Variants in CNGB3 observed in about 807,000 individuals in gnomAD.
CNGB3 encodes the protein cyclic nucleotide-gated channel beta-3.
CNGB3 carries 86 observed loss-of-function variants against 92.8 expected under a neutral mutation model. The observed-to-expected ratio is 0.93, with a 90% CI of 0.78 to 1.11. The LOEUF (loss-of-function observed/expected upper bound fraction) is 1.11, where lower values mean the gene tolerates loss of function less well. Among genes scored for constraint, CNGB3 ranks in the 50% least tolerant of loss-of-function variants. The probability of loss-of-function intolerance (pLI) is 0.00; values close to 1 mark genes in which losing one functional copy is unlikely to be tolerated. For missense variants in CNGB3, 1,026 were observed against 956.8 expected (o/e 1.07, Z -0.95); for synonymous variants, 333 against 332.7 (o/e 1.00, Z -0.01).
intron 15 of CNGB3, among the ~76,000 whole-genome samples, chr8:86,593,303 T>C (rs114350925): frequency 1.9e-3 from 283 of 152,338 alleles, no homozygotes; most frequent in African/African-American, 6.3e-3. Flanking sequence ...TTCCATGCTC[T>C]GTTTATTTAT....
At chr8:86,578,612 T>A in intron 17 of CNGB3, 77 bp downstream of exon 17, 1 of 1,357,084 alleles carries the variant, frequency 7.4e-7, no homozygotes, top group Non-Finnish European at 1.1e-6. Flanking sequence ...GAAATGGAAT[T>A]AGAGTGGGCG....
rs764918540 is a variant in CNGB3 at position 86,671,058 on chromosome 8, A to G, written c.379T>C (p.Tyr127His). The change falls in exon 4 of 18, where the codon TAT becomes CAT. Residue 127 changes from tyrosine to histidine, a missense_variant. Physicochemically the swap from Tyr to His is moderately conservative, Grantham distance 83. Transcript: ENST00000320005. ...KPPAAPVINE[Y>H]ADAQLHNLVK... The stretch of plus-strand genomic sequence containing the variant: ...AGGTTGTGTAGCTGGGCATCGGCAT[A>G]CTCATTTATAACAGGAGCTGCAGGC... 2 of 1,613,854 alleles carry G rather than the reference A, an allele frequency of 1.2e-6. No individual in the cohort carries two copies. The highest frequency in any genetic ancestry group is 8.5e-7 in the Non-Finnish European group (1 of 1,179,980).
Position 86,587,945 on chromosome 8 carries a change from C to T in CNGB3, c.1782-8693G>A, listed in dbSNP as rs527443989. The stretch of plus-strand genomic sequence containing the variant: ...ACCTTGGGCAGTATGGCCATTTTCA[C>T]GATATTGATTCTTCCTACCCATGAG... On this transcript the variant is annotated intron_variant, in intron 15 of 17. Coordinates refer to ENST00000320005, the MANE Select transcript of CNGB3 (RefSeq NM_019098.5). 1.3e-4 allele frequency among the ~76,000 whole-genome samples: 19 copies of T among 151,734 alleles called. No individual in the cohort carries two copies. In the East Asian group the frequency reaches 2.5e-3, roughly 20 times the overall value.
intron 2 of CNGB3, among the ~76,000 whole-genome samples, chr8:86,728,576 C>A (rs904367250): frequency 6.6e-6 from 1 of 152,146 alleles, no homozygotes; most frequent in African/African-American, 2.4e-5. Flanking sequence ...TCCACAAACA[C>A]TTGGACAATT....
Position 86,589,842 on chromosome 8 carries a change from A to C in CNGB3, c.1782-10590T>G, listed in dbSNP as rs555078603. On this transcript the variant is annotated intron_variant, in intron 15 of 17. Coordinates refer to ENST00000320005, the MANE Select transcript of CNGB3 (RefSeq NM_019098.5). Reference sequence around the variant, plus strand: ...TGATTTGGGGTGGAGAGTTCTGTAGATGTCTATTGGGTCTGCTTGGTGCAG... The same window carrying C: ...TGATTTGGGGTGGAGAGTTCTGTAGCTGTCTATTGGGTCTGCTTGGTGCAG... Among the ~76,000 whole-genome samples the C allele has an allele frequency of 1.7e-4, 26 of 152,060 alleles. No homozygotes were observed. The South Asian group carries it at 4.8e-3, about 28-fold the overall frequency.
At chr8:86,611,721 T>G (rs895314547) in intron 13 of CNGB3, 50 bp from the exon 14 acceptor site, 4 of 1,254,166 alleles carry the variant, frequency 3.2e-6, no homozygotes, top group Admixed American at 1.7e-5. Context: ...AGGCCAATAT[T>G]CCAAATGAAT....
intron 7 of CNGB3, among the ~76,000 whole-genome samples, chr8:86,648,224 G>A (rs1355643712): frequency 1.3e-5 from 2 of 150,928 alleles, no homozygotes; most frequent in Non-Finnish European, 3.0e-5. Context: ...TTTAACATGG[G>A]GCTCTTCGAC....
chr8:86,629,107 C>T, intron 11 of CNGB3, 29 bp from the exon 12 acceptor site: 1 of 1,613,290 alleles, frequency 6.2e-7, no homozygotes, highest in Admixed American at 1.7e-5. Flanking sequence ...TCACTCCACG[C>T]CCAGCAGAGG....
intron 11 of CNGB3, among the ~76,000 whole-genome samples, chr8:86,632,007 G>A (rs960832262): frequency 1.3e-5 from 2 of 151,728 alleles, no homozygotes; most frequent in Admixed American, 6.6e-5. Context: ...TCTTACATGG[G>A]CTCCTACATT....
At chr8:86,637,120 G>A (rs1281358064) in intron 10 of CNGB3, among the ~76,000 whole-genome samples, 1 of 152,144 alleles carries the variant, frequency 6.6e-6, no homozygotes, top group African/African-American at 2.4e-5. Flanking sequence ...ATACCTTTGG[G>A]TATATTCACA....
intron 2 of CNGB3, among the ~76,000 whole-genome samples, chr8:86,734,098 TC>T (rs1427825505): frequency 1.3e-5 from 2 of 152,094 alleles, no homozygotes; most frequent in Admixed American, 1.3e-4. Flanking sequence ...TCTCAGGAAA[TC>T]CTCCTGTCTT....
intron 7 of CNGB3, among the ~76,000 whole-genome samples, chr8:86,650,711 G>A (rs1188289665): frequency 6.6e-6 from 1 of 151,576 alleles, no homozygotes; most frequent in African/African-American, 2.4e-5. Context: ...TGCACTGCTG[G>A]TGGGAATGTA....
chr8:86,665,254 A>T (rs1036352591), intron 6 of CNGB3, among the ~76,000 whole-genome samples: 5 of 152,218 alleles, frequency 3.3e-5, no homozygotes, highest in Admixed American at 6.5e-5. Context: ...ATTACTAAAA[A>T]GTCAAAAAAC....
rs754946422 is a variant in CNGB3 at position 86,667,085 on chromosome 8, C to G, written c.692G>C (p.Trp231Ser). The G allele has an allele frequency of 1.1e-5, 17 of 1,613,816 alleles. No homozygotes were observed. The highest frequency in any genetic ancestry group is 1.7e-5 in the Admixed American group (1 of 59,980). Residue 231 changes from tryptophan to serine, a missense_variant, in exon 6 of 18, where the codon TGG becomes TCG. Coordinates refer to ENST00000320005, the MANE Select transcript of CNGB3 (RefSeq NM_019098.5). The part of the protein sequence containing the change: ...WLLLVTLAYN[W>S]NCCFIPLRLV... ...GCGCAGTGGTATAAAACAGCAGTTC[C>G]AGTTATAGGCAAGAGTGACAAGCAA...
chr8:86,590,550 C>A (rs1050900934), intron 15 of CNGB3, among the ~76,000 whole-genome samples: 3 of 151,992 alleles, frequency 2.0e-5, no homozygotes, highest in Admixed American at 1.3e-4. Flanking sequence ...GACAAAATCT[C>A]TCAGCATTTG....
intron 2 of CNGB3, among the ~76,000 whole-genome samples, chr8:86,738,317 T>C (rs1053075971): frequency 6.6e-6 from 1 of 152,114 alleles, no homozygotes; most frequent in African/African-American, 2.4e-5. Context: ...TGGAGGAAAT[T>C]AGATTTTGTC....
chr8:86,643,478 T>A (rs2131593951), intron 10 of CNGB3, among the ~76,000 whole-genome samples: 1 of 151,574 alleles, frequency 6.6e-6, no homozygotes, highest in South Asian at 2.1e-4. Flanking sequence ...ACTCTCTGTC[T>A]CTATGTGATC....
At chr8:86,612,363 T>G (rs1341728147) in intron 13 of CNGB3, among the ~76,000 whole-genome samples, 2 of 152,190 alleles carry the variant, frequency 1.3e-5, no homozygotes, top group African/African-American at 4.8e-5. Context: ...AAAACTCACT[T>G]ACATAGTAGT....
chr8:86,633,735 G>A (rs959787652), intron 10 of CNGB3, among the ~76,000 whole-genome samples: 1 of 152,152 alleles, frequency 6.6e-6, no homozygotes, highest in Non-Finnish European at 1.5e-5. Flanking sequence ...ATTGATTTGT[G>A]GGAATATTAT....
Sources: gnomAD v4.1 joint callset for allele counts (sites outside exome capture counted in the v4.1 genomes callset) on GRCh38, gnomAD v4.1.1 for gene constraint, MANE v1.5 for transcripts, NCBI Gene and HGNC (gene_info 2026-07-23, HGNC 2026-07-21) for gene names.